The following TENM4 variants were observed in gnomAD, a reference collection of about 807,000 sequenced individuals.
TENM4 encodes the protein teneurin transmembrane protein 4.
In TENM4, 82 loss-of-function variants were observed where a neutral mutation model predicts 243.3. The observed-to-expected ratio is 0.34, with a 90% CI of 0.28 to 0.40. The LOEUF is 0.40. Among genes scored for constraint, TENM4 ranks in the 10% least tolerant of loss-of-function variants. TENM4 has a pLI of 1.00. For missense variants in TENM4, 3,138 were observed against 3,673.3 expected, an observed-to-expected ratio of 0.85 and a Z score of 3.77; for synonymous variants, 1,412 against 1,456.3, an observed-to-expected ratio of 0.97 and a Z score of 0.69.
intron 12 of TENM4, among the ~76,000 whole-genome samples, chr11:78,850,393 A>G (rs1396021536): frequency 6.6e-6 from 1 of 152,244 alleles, no homozygotes; most frequent in African/African-American, 2.4e-5. Flanking sequence ...AGGAAGGGTC[A>G]GATTCCAATT....
intron 6 of TENM4, among the ~76,000 whole-genome samples, chr11:78,944,755 C>G (rs932873972): frequency 2.0e-5 from 3 of 152,218 alleles, no homozygotes; most frequent in African/African-American, 7.2e-5. Context: ...GGGCTAAGAG[C>G]TTTTCACAAA....
intron 1 of TENM4, among the ~76,000 whole-genome samples, chr11:79,414,465 T>C (rs1826849542): frequency 6.6e-6 from 1 of 152,152 alleles, no homozygotes. Flanking sequence ...GCTATAGAGA[T>C]GCCATCTGAA....
chr11:79,379,841 C>T (rs1024829733), intron 1 of TENM4, among the ~76,000 whole-genome samples: 1 of 152,094 alleles, frequency 6.6e-6, no homozygotes, highest in Non-Finnish European at 1.5e-5. Flanking sequence ...AATGAGACAG[C>T]TTCTAGGGTT....
intron 3 of TENM4, among the ~76,000 whole-genome samples, chr11:79,208,029 C>T (rs1863884032): frequency 6.6e-6 from 1 of 152,126 alleles, no homozygotes; most frequent in Non-Finnish European, 1.5e-5. Flanking sequence ...CCAGAGCCTG[C>T]TCTCTGTCAC....
chr11:79,162,808 G>A (rs1176663095), intron 3 of TENM4, among the ~76,000 whole-genome samples: 1 of 152,142 alleles, frequency 6.6e-6, no homozygotes, highest in Admixed American at 6.5e-5. Flanking sequence ...GTGTGCAGGA[G>A]CCCATTGGGA....
In TENM4 at chr11:78,745,588, T is replaced by G. The variant is rs373240759; in HGVS notation, c.2757-7018A>C. ...TCCCTCAGAATGCCTCATGTGCTGG[T>G]CCAGACATGTAACCAAGTAACACAG... On this transcript the variant is annotated intron_variant, in intron 19 of 33. Transcript: ENST00000278550. Among the ~76,000 whole-genome samples, 121 of 152,240 alleles carry G rather than the reference T, an allele frequency of 7.9e-4. No individual in the cohort carries two copies. The South Asian group carries it at 0.019, about 24-fold the overall frequency.
chr11:79,089,612 A>G (rs1860898473), intron 4 of TENM4, among the ~76,000 whole-genome samples: 1 of 152,070 alleles, frequency 6.6e-6, no homozygotes, highest in African/African-American at 2.4e-5. Flanking sequence ...TCCTCATCCC[A>G]ATGGTTCAGT....
intron 10 of TENM4, among the ~76,000 whole-genome samples, chr11:78,856,920 C>A (rs531726872): frequency 1.3e-5 from 2 of 152,322 alleles, no homozygotes; most frequent in African/African-American, 4.8e-5. Flanking sequence ...AGGCTCCCAA[C>A]CCTGTGCTAA....
At position 78,880,468 on chromosome 11, in the gene TENM4, A is replaced by AGG. The variant is rs1859403868; in HGVS notation, c.1084+9316_1084+9317insCC. Among the ~76,000 whole-genome samples the AGG allele has an allele frequency of 6.8e-5, 3 of 44,106 alleles. No homozygotes were observed. The East Asian group carries it at 0.011, about 162-fold the overall frequency. The allele number at this position is 44,106 out of a possible 152,430, so 28.9% of individuals were successfully genotyped here. On this transcript the variant is annotated intron_variant, in intron 9 of 33. Coordinates refer to ENST00000278550, the MANE Select transcript of TENM4 (RefSeq NM_001098816.3). ...TGATCAATAAATACTAAAAAAAAAA[A>AGG]AAAAAAAAAAAAAAAAAAAAAGAAA...
At chr11:79,053,545 C>G (rs2136945406) in intron 6 of TENM4, among the ~76,000 whole-genome samples, 1 of 152,330 alleles carries the variant, frequency 6.6e-6, no homozygotes, top group Non-Finnish European at 1.5e-5. Context: ...ATCTCACAGG[C>G]TTTAGCCATA....
chr11:79,338,204 C>T (rs1274555093), intron 1 of TENM4, among the ~76,000 whole-genome samples: 1 of 152,200 alleles, frequency 6.6e-6, no homozygotes, highest in Non-Finnish European at 1.5e-5. Context: ...TAAGCAGTCC[C>T]AGCATGTTCC....
At chr11:79,263,174 C>G (rs934466268) in intron 2 of TENM4, among the ~76,000 whole-genome samples, 2 of 152,248 alleles carry the variant, frequency 1.3e-5, no homozygotes, top group African/African-American at 4.8e-5. Context: ...CCCTTTGTCT[C>G]TGGGCCAGTG....
intron 1 of TENM4, among the ~76,000 whole-genome samples, chr11:79,420,477 T>C (rs1858907329): frequency 1.3e-5 from 2 of 152,098 alleles, no homozygotes; most frequent in African/African-American, 2.4e-5. Flanking sequence ...GAAACCCTAC[T>C]CTTGTGAGAG....
intron 30 of TENM4, among the ~76,000 whole-genome samples, chr11:78,673,104 T>C (rs994370570): frequency 7.2e-5 from 11 of 151,834 alleles, no homozygotes; most frequent in Admixed American, 2.6e-4. Flanking sequence ...GGATCGGGAG[T>C]GCCTTGTATA....
intron 1 of TENM4, among the ~76,000 whole-genome samples, chr11:79,405,969 C>A (rs1590943276): frequency 6.6e-6 from 1 of 151,672 alleles, no homozygotes; most frequent in Admixed American, 6.6e-5. Context: ...ATGCACACAT[C>A]TGGCCCTGCC....
intron 6 of TENM4, among the ~76,000 whole-genome samples, chr11:78,928,398 C>T (rs671194): frequency 0.5 from 76,676 of 152,116 alleles, 23,409 homozygotes; most frequent in East Asian, 0.77. Context: ...ACCATTCTGC[C>T]ACTAGTTCCT....
At chr11:79,368,613 C>A (rs1857722108) in intron 1 of TENM4, among the ~76,000 whole-genome samples, 1 of 152,092 alleles carries the variant, frequency 6.6e-6, no homozygotes, top group African/African-American at 2.4e-5. Flanking sequence ...ACATTTGAAC[C>A]CCAGTCCTGC....
At chr11:79,346,695 A>C (rs191285104) in intron 1 of TENM4, among the ~76,000 whole-genome samples, 1 of 152,294 alleles carries the variant, frequency 6.6e-6, no homozygotes, top group African/African-American at 2.4e-5. Context: ...AATTCTAAAA[A>C]TCCGCTTCAC....
chr11:79,313,506 T>TA (rs1299811293), intron 1 of TENM4, among the ~76,000 whole-genome samples: 1 of 152,214 alleles, frequency 6.6e-6, no homozygotes, highest in Non-Finnish European at 1.5e-5. Flanking sequence ...TAGCTCTAAA[T>TA]ACACTTGCTA....
Sources: gnomAD v4.1 joint callset for allele counts (sites outside exome capture counted in the v4.1 genomes callset) on GRCh38, gnomAD v4.1.1 for gene constraint, MANE v1.5 for transcripts, NCBI Gene and HGNC (gene_info 2026-07-23, HGNC 2026-07-21) for gene names.